DPYD: variants seen among roughly 807,000 people sequenced by gnomAD.
The protein encoded by DPYD is dihydropyrimidine dehydrogenase [NADP(+)].
DPYD carries 109 observed loss-of-function variants against 116.2 expected under a neutral mutation model. The observed-to-expected ratio is 0.94, with a 90% CI of 0.80 to 1.10. DPYD has a LOEUF of 1.10. Ranked by LOEUF, DPYD falls within the 50% of genes least tolerant of loss-of-function variation. The pLI, the probability that DPYD is intolerant of heterozygous loss-of-function variation, is 0.00. For synonymous variants in DPYD, 440 were observed against 432.0 expected (o/e 1.02, Z -0.23); for missense variants, 1,302 against 1,254.5 (o/e 1.04, Z -0.57).
intron 15 of DPYD, among the ~76,000 whole-genome samples, chr1:97,379,874 A>G (rs1239269984): frequency 6.6e-6 from 1 of 152,166 alleles, no homozygotes; most frequent in Admixed American, 6.5e-5. Flanking sequence ...TGATTCTATC[A>G]TCTTGTGAAA....
intron 2 of DPYD, among the ~76,000 whole-genome samples, chr1:97,837,406 G>A (rs1557999137): frequency 6.6e-6 from 1 of 152,224 alleles, no homozygotes; most frequent in Admixed American, 6.5e-5. Context: ...CTAATCTTCA[G>A]AAGGCATTTT....
rs1440380546 is a variant in DPYD at position 97,373,635 on chromosome 1, CTCCAGAA to C, written c.1977_1983del (p.Asp659GlufsTer7). 6 of 1,613,720 alleles carry C rather than the reference CTCCAGAA, an allele frequency of 3.7e-6. No homozygotes were observed. The Admixed American group carries it at 6.7e-5, about 18-fold the overall frequency. ...GATAAATTTAACTCCAGGGCATCTG[CTCCAGAA>C]TCCTTTAAACAAGAAAGGAAAATGA... On this transcript the variant is annotated frameshift_variant and splice_region_variant, in exon 16 of 23. Coordinates refer to ENST00000370192, the MANE Select transcript of DPYD (RefSeq NM_000110.4). LOFTEE classifies it high-confidence loss of function.
chr1:97,375,517 C>T (rs778882343), intron 15 of DPYD, among the ~76,000 whole-genome samples: 6 of 152,078 alleles, frequency 3.9e-5, no homozygotes, highest in South Asian at 2.1e-4. Context: ...TTTCCTAATC[C>T]GATTTTAAAG....
intron 14 of DPYD, among the ~76,000 whole-genome samples, chr1:97,449,514 A>T (rs1676281603): frequency 6.6e-6 from 1 of 152,084 alleles, no homozygotes; most frequent in Non-Finnish European, 1.5e-5. Context: ...AGAAAATATT[A>T]TCTATTATAT....
intron 4 of DPYD, among the ~76,000 whole-genome samples, chr1:97,736,080 G>A (rs1040615363): frequency 6.6e-6 from 1 of 151,906 alleles, no homozygotes; most frequent in Non-Finnish European, 1.5e-5. Flanking sequence ...TTCAATAATT[G>A]CAAAGAAAAA....
intron 14 of DPYD, among the ~76,000 whole-genome samples, chr1:97,399,512 G>A (rs1340079381): frequency 6.6e-6 from 1 of 152,038 alleles, no homozygotes; most frequent in African/African-American, 2.4e-5. Context: ...GATGGGGATG[G>A]CATTGAATCT....
chr1:97,586,523 G>A (rs1202700517), intron 10 of DPYD, among the ~76,000 whole-genome samples: 2 of 94,296 alleles, frequency 2.1e-5, no homozygotes, highest in Non-Finnish European at 4.2e-5. Flanking sequence ...TATATATGCT[G>A]TGAAAAAAAT....
intron 3 of DPYD, among the ~76,000 whole-genome samples, chr1:97,784,030 C>T (rs1025300421): frequency 6.6e-6 from 1 of 152,138 alleles, no homozygotes; most frequent in Non-Finnish European, 1.5e-5. Flanking sequence ...TATCCTCTCA[C>T]TTTCTTTTTG....
rs1179484501 is a variant in DPYD, at chr1:97,234,723, C to G, written c.2442+129G>C. The G allele has an allele frequency of 4.4e-6, 5 of 1,138,146 alleles. 1 individual carries two copies. The African/African-American group carries it at 7.7e-5, about 17-fold the overall frequency. The allele number at this position is 1,138,146 out of a possible 1,614,324, so 70.5% of individuals were successfully genotyped here. ...TGTCAGAGGAACTTAATACATGCTG[C>G]CATTTTGATCCCAAATGGCCTCCTT... On this transcript the variant is annotated intron_variant, in intron 19 of 22. Transcript: ENST00000370192.
At chr1:97,823,836 T>G (rs1224827847) in intron 3 of DPYD, among the ~76,000 whole-genome samples, 1 of 150,748 alleles carries the variant, frequency 6.6e-6, no homozygotes, top group Non-Finnish European at 1.5e-5. Context: ...AAATTTCCTT[T>G]GGGCCATGTG....
chr1:97,195,503 A>T (rs1658690233), intron 19 of DPYD, among the ~76,000 whole-genome samples: 1 of 115,854 alleles, frequency 8.6e-6, no homozygotes. Flanking sequence ...AGGTTCCAGA[A>T]TGGGGAATGG....
At position 97,593,265 on chromosome 1, in the gene DPYD, T is replaced by C. The variant is rs768117152; in HGVS notation, c.1081A>G (p.Ile361Val). The C allele has an allele frequency of 3.1e-6, 5 of 1,614,142 alleles. 1 individual carries two copies. The South Asian group carries it at 3.3e-5, about 11-fold the overall frequency. ...ALRCGARRVF[I>V]VFRKGFVNIR... Reference sequence around the variant, plus strand: ...TTAACAAAGCCTTTTCTGAAGACGATGAACACACGGCGAGCTCCACAACGT... The same window carrying C: ...TTAACAAAGCCTTTTCTGAAGACGACGAACACACGGCGAGCTCCACAACGT... Residue 361 changes from isoleucine (I) to valine (V), a missense_variant, in exon 10 of 23, where the codon ATC becomes GTC. Physicochemically the swap from Ile to Val is conservative, Grantham distance 29. Transcript: ENST00000370192.
At chr1:97,612,754 T>A (rs1483256208) in intron 8 of DPYD, among the ~76,000 whole-genome samples, 3 of 151,978 alleles carry the variant, frequency 2.0e-5, no homozygotes, top group African/African-American at 7.2e-5. Flanking sequence ...CAGGACAAAT[T>A]ATACCATAGC....
At chr1:97,613,385 GAA>G (rs1320831432) in intron 8 of DPYD, among the ~76,000 whole-genome samples, 1 of 151,650 alleles carries the variant, frequency 6.6e-6, no homozygotes, top group Admixed American at 6.6e-5. Flanking sequence ...AAAATGATGA[GAA>G]AAAAAGAGTG....
At chr1:97,807,804 A>C (rs1239775289) in intron 3 of DPYD, among the ~76,000 whole-genome samples, 2 of 152,046 alleles carry the variant, frequency 1.3e-5, no homozygotes, top group Non-Finnish European at 2.9e-5. Context: ...TTTTGAGTTA[A>C]TGTTTGTGAA....
intron 8 of DPYD, among the ~76,000 whole-genome samples, chr1:97,625,428 G>T (rs1474627883): frequency 2.6e-5 from 4 of 151,954 alleles, no homozygotes; most frequent in African/African-American, 9.7e-5. Context: ...AATGATGACA[G>T]AATGACTATA....
At chr1:97,591,490 G>A (rs188825031) in intron 10 of DPYD, among the ~76,000 whole-genome samples, 6 of 152,208 alleles carry the variant, frequency 3.9e-5, no homozygotes, top group Admixed American at 2.0e-4. Context: ...ATGAATGAAT[G>A]AATAAATAAA....
chr1:97,241,243 A>G lies in DPYD; in HGVS notation c.2300-6249T>C, dbSNP rs539848636. Among the ~76,000 whole-genome samples the G allele has an allele frequency of 3.3e-5, 5 of 152,062 alleles. No homozygotes were observed. The South Asian group carries it at 8.3e-4, about 25-fold the overall frequency. On this transcript the variant is annotated intron_variant, in intron 18 of 22. Coordinates refer to ENST00000370192, the MANE Select transcript of DPYD (RefSeq NM_000110.4). ...TATTTTTACCAAGAGAATTAATAAC[A>G]TTCACCAAAGAGGGCCATTCTCCTT...
intron 2 of DPYD, among the ~76,000 whole-genome samples, chr1:97,828,975 C>T (rs1273548213): frequency 6.6e-5 from 10 of 151,540 alleles, no homozygotes; most frequent in South Asian, 4.2e-4. Context: ...TATAATTATA[C>T]GTACTTAAAA....
Sources: allele counts gnomAD v4.1 joint callset (sites outside exome capture counted in the v4.1 genomes callset), GRCh38; gene constraint gnomAD v4.1.1; transcripts MANE v1.5; gene names NCBI Gene and HGNC (gene_info 2026-07-23, HGNC 2026-07-21).